Variants in MAGI2 observed in about 807,000 individuals in gnomAD.
MAGI2 encodes the protein membrane-associated guanylate kinase, WW and PDZ domain-containing protein 2.
A neutral mutation model predicts 133.3 loss-of-function variants in MAGI2; 35 were observed. The ratio of observed to expected loss-of-function variants is 0.26; its 90% CI spans 0.20 to 0.35. The LOEUF (loss-of-function observed/expected upper bound fraction) is 0.35. Among genes scored for constraint, MAGI2 ranks in the 10% least tolerant of loss-of-function variants. The probability of loss-of-function intolerance (pLI) is 1.00; values close to 1 mark genes in which losing one functional copy is unlikely to be tolerated. For synonymous variants in MAGI2, 729 were observed against 710.6 expected (o/e 1.03, Z -0.41); for missense variants, 1,636 against 1,863.4 (o/e 0.88, Z 2.25).
chr7:79,278,236 G>A (rs1585408496), intron 1 of MAGI2, among the ~76,000 whole-genome samples: 1 of 152,110 alleles, frequency 6.6e-6, no homozygotes, highest in African/African-American at 2.4e-5. Context: ...GCCATGTAAT[G>A]GGCCTGCTCC....
At chr7:78,326,669 A>G (rs1311158089) in intron 9 of MAGI2, among the ~76,000 whole-genome samples, 2 of 149,500 alleles carry the variant, frequency 1.3e-5, no homozygotes, top group Admixed American at 6.7e-5. Context: ...AAAATATAAG[A>G]TAGTATTTTT....
chr7:78,731,484 T>C (rs565641197), intron 2 of MAGI2, among the ~76,000 whole-genome samples: 1 of 152,138 alleles, frequency 6.6e-6, no homozygotes, highest in Admixed American at 6.5e-5. Context: ...TTGCACAAAA[T>C]TGACCTGTGG....
At chr7:78,074,660 G>A (rs1015449477) in intron 21 of MAGI2, among the ~76,000 whole-genome samples, 2 of 152,122 alleles carry the variant, frequency 1.3e-5, no homozygotes, top group African/African-American at 4.8e-5. Flanking sequence ...ACCCAATTCT[G>A]CTACTTAAGA....
At chr7:79,408,184 C>T (rs1295035852) in intron 1 of MAGI2, among the ~76,000 whole-genome samples, 1 of 152,024 alleles carries the variant, frequency 6.6e-6, no homozygotes, top group East Asian at 1.9e-4. Context: ...ATTAAGACAA[C>T]AGAAACTATT....
intron 2 of MAGI2, among the ~76,000 whole-genome samples, chr7:78,663,269 TG>T (rs1813179410): frequency 6.7e-6 from 1 of 149,436 alleles, no homozygotes; most frequent in Admixed American, 6.7e-5. Context: ...TGCAGTGGCC[TG>T]ATCTCTGCTC....
intron 1 of MAGI2, among the ~76,000 whole-genome samples, chr7:79,229,789 TA>T (rs982806517): frequency 2.4e-4 from 36 of 151,934 alleles, no homozygotes; most frequent in Middle Eastern, 3.4e-3. Flanking sequence ...TAAGTTTTTT[TA>T]AAAATTTTTT....
intron 9 of MAGI2, among the ~76,000 whole-genome samples, chr7:78,315,044 G>A (rs1355163553): frequency 6.6e-6 from 1 of 152,094 alleles, no homozygotes; most frequent in Non-Finnish European, 1.5e-5. Context: ...GTTCACAACT[G>A]TCCATTTGTA....
chr7:78,814,347 G>A (rs538133239), intron 2 of MAGI2, among the ~76,000 whole-genome samples: 11 of 152,102 alleles, frequency 7.2e-5, no homozygotes, highest in South Asian at 2.1e-4. Flanking sequence ...ATATAATAGC[G>A]GTATAATCTG....
At position 79,214,023 on chromosome 7, in the gene MAGI2, C is replaced by G. The variant is rs1038975503; in HGVS notation, c.302-206817G>C. On this transcript the variant is annotated intron_variant, in intron 1 of 21. Transcript: ENST00000354212. ...ACATGGGAATTTAAACTGGATTTTACAAGGACATCAGATTTTCGCATGCAA... is the reference window on the plus strand; with the variant it reads ...ACATGGGAATTTAAACTGGATTTTAGAAGGACATCAGATTTTCGCATGCAA... Among the ~76,000 whole-genome samples, 9 of 151,768 alleles carry G rather than the reference C, an allele frequency of 5.9e-5. 1 individual carries two copies. The highest frequency in any genetic ancestry group is 2.2e-4 in the African/African-American group (9 of 41,194).
chr7:78,122,338 A>G (rs2150501450), intron 20 of MAGI2, among the ~76,000 whole-genome samples: 2 of 152,338 alleles, frequency 1.3e-5, no homozygotes, highest in African/African-American at 4.8e-5. Flanking sequence ...TATCTGGTCT[A>G]TAGAAGGAAA....
At chr7:78,483,420 A>C (rs73150374) in intron 6 of MAGI2, among the ~76,000 whole-genome samples, 20,406 of 151,806 alleles carry the variant, frequency 0.13, 1,614 homozygotes, top group South Asian at 0.26. Flanking sequence ...AGCCACATGA[A>C]ATATTAACAG....
At chr7:79,260,191 C>T (rs1833975282) in intron 1 of MAGI2, among the ~76,000 whole-genome samples, 1 of 152,032 alleles carries the variant, frequency 6.6e-6, no homozygotes, top group South Asian at 2.1e-4. Context: ...CTGTCTCTAT[C>T]AAAAATACAA....
chr7:78,700,147 A>G (rs911473132), intron 2 of MAGI2, among the ~76,000 whole-genome samples: 5 of 152,300 alleles, frequency 3.3e-5, no homozygotes, highest in African/African-American at 1.2e-4. Flanking sequence ...TTATTTTGCT[A>G]TGTAATGAGG....
chr7:78,318,367 G>C (rs1584855015), intron 9 of MAGI2, among the ~76,000 whole-genome samples: 1 of 152,126 alleles, frequency 6.6e-6, no homozygotes, highest in Non-Finnish European at 1.5e-5. Flanking sequence ...CAGAAGAAAG[G>C]ATATCAGAGA....
At position 79,259,841 on chromosome 7, in the gene MAGI2, G is replaced by T. The variant is rs1918937; in HGVS notation, c.301+193179C>A. Among the ~76,000 whole-genome samples the T allele has an allele frequency of 4.6e-5, 7 of 152,082 alleles. No individual in the cohort carries two copies. The South Asian group carries it at 8.3e-4, about 18-fold the overall frequency. On this transcript the variant is annotated intron_variant, in intron 1 of 21. Transcript: ENST00000354212. ...GTATTTACCCTGTTTAACACAAAAT[G>T]GTGGTAAGATAATCCTTAAAATATC...
At chr7:78,896,180 T>C (rs1292478574) in intron 2 of MAGI2, among the ~76,000 whole-genome samples, 4 of 152,212 alleles carry the variant, frequency 2.6e-5, no homozygotes, top group African/African-American at 4.8e-5. Context: ...AGACCCTGTT[T>C]ATTTCCTGCA....
At chr7:78,923,549 C>T (rs1799434690) in intron 2 of MAGI2, among the ~76,000 whole-genome samples, 2 of 152,094 alleles carry the variant, frequency 1.3e-5, no homozygotes, top group South Asian at 4.1e-4. Context: ...TTCCATTGAT[C>T]TATATCTCTG....
chr7:78,977,813 T>G (rs76438096), intron 2 of MAGI2, among the ~76,000 whole-genome samples: 3,066 of 151,808 alleles, frequency 0.02, 67 homozygotes, highest in African/African-American at 0.064. Flanking sequence ...GTAACCAAAA[T>G]AACAGAGTTT....
chr7:79,403,434 C>CT lies in MAGI2; in HGVS notation c.301+49585dup, dbSNP rs921748144. On this transcript the variant is annotated intron_variant, in intron 1 of 21. Transcript: ENST00000354212. ...TAGACATCTTGGAAAACCTTTCTTG[C>CT]TTTTTTTTTAAAAAAGAAAACTTGA... Among the ~76,000 whole-genome samples the CT allele has an allele frequency of 3.5e-4, 53 of 150,488 alleles. 1 individual carries two copies. Among genetic ancestry groups the CT allele is most frequent in the East Asian group, 7.8e-4 (4 of 5,124 alleles).
Sources: allele counts gnomAD v4.1 joint callset (sites outside exome capture counted in the v4.1 genomes callset), GRCh38; gene constraint gnomAD v4.1.1; transcripts MANE v1.5; gene names NCBI Gene and HGNC (gene_info 2026-07-23, HGNC 2026-07-21).